The following VPS53 variants were observed in gnomAD, a reference collection of about 807,000 sequenced individuals.
VPS53 encodes the protein vacuolar protein sorting-associated protein 53 homolog.
A neutral mutation model predicts 107.0 loss-of-function variants in VPS53; 70 were observed. The ratio of observed to expected loss-of-function variants is 0.65; its 90% CI spans 0.54 to 0.80. The LOEUF (loss-of-function observed/expected upper bound fraction) is 0.80. Among genes scored for constraint, VPS53 ranks in the 30% least tolerant of loss-of-function variants. The pLI, the probability that VPS53 is intolerant of heterozygous loss-of-function variation, is 0.00. For synonymous variants in VPS53, 409 were observed against 393.3 expected (o/e 1.04, Z -0.47); for missense variants, 917 against 1,049.4 (o/e 0.87, Z 1.74).
chr17:662,834 AAAGGAAGGAAGGAAGGAAGGAAGGAAGG>A (rs796580340), intron 4 of VPS53, among the ~76,000 whole-genome samples: 2 of 121,062 alleles, frequency 1.7e-5, no homozygotes, highest in South Asian at 6.0e-4. Flanking sequence ...AAAGAGAAAG[AAAGGAAGGAAGGAAGGAAGGAAGGAAGG>A]AAGGAAGGAA....
At chr17:633,929 T>C (rs930565945) in intron 7 of VPS53, among the ~76,000 whole-genome samples, 1 of 152,198 alleles carries the variant, frequency 6.6e-6, no homozygotes, top group East Asian at 1.9e-4. Flanking sequence ...AGGCCCCCCC[T>C]GTTCCTACCC....
intron 19 of VPS53, among the ~76,000 whole-genome samples, chr17:530,026 CA>C (rs539003592): frequency 8.0e-4 from 113 of 140,384 alleles, no homozygotes; most frequent in Non-Finnish European, 7.1e-4. Context: ...GGCAATACAG[CA>C]AAAAAAAAAA....
At chr17:564,724 A>AAAAAAC (rs1164914910) in intron 13 of VPS53, among the ~76,000 whole-genome samples, 2 of 151,970 alleles carry the variant, frequency 1.3e-5, no homozygotes, top group Non-Finnish European at 2.9e-5. Context: ...ATCTGGAAAA[A>AAAAAAC]AAAAACAAAA....
At chr17:589,582 G>A (rs1313920419) in intron 12 of VPS53, among the ~76,000 whole-genome samples, 1 of 152,156 alleles carries the variant, frequency 6.6e-6, no homozygotes, top group Non-Finnish European at 1.5e-5. Flanking sequence ...GGAGCTCCTT[G>A]TAACTTTTCT....
intron 4 of VPS53, among the ~76,000 whole-genome samples, chr17:662,505 C>G (rs2543778): frequency 6.6e-6 from 1 of 151,604 alleles, no homozygotes; most frequent in South Asian, 2.1e-4. Flanking sequence ...CTGGCTAACA[C>G]GGTGAAACCC....
At chr17:635,877 C>A (rs1457807408) in intron 7 of VPS53, among the ~76,000 whole-genome samples, 1 of 152,086 alleles carries the variant, frequency 6.6e-6, no homozygotes, top group Admixed American at 6.6e-5. Flanking sequence ...CTTGGCAATG[C>A]GGGACCTTTT....
intron 3 of VPS53, among the ~76,000 whole-genome samples, chr17:698,985 T>C (rs1342186426): frequency 1.3e-5 from 2 of 151,934 alleles, no homozygotes; most frequent in African/African-American, 4.8e-5. Flanking sequence ...CTGACCAACA[T>C]GGTGAAACCC....
chr17:614,285 T>C (rs996530103), intron 11 of VPS53, among the ~76,000 whole-genome samples: 20 of 152,276 alleles, frequency 1.3e-4, no homozygotes, highest in African/African-American at 1.9e-4. Context: ...ATGAGTTATA[T>C]CTCAATTTTA....
At chr17:638,656 A>C (rs1162673474) in intron 7 of VPS53, among the ~76,000 whole-genome samples, 2 of 152,066 alleles carry the variant, frequency 1.3e-5, no homozygotes, top group Admixed American at 1.3e-4. Context: ...AAAGGATTTT[A>C]TTTCTCCTTC....
intron 11 of VPS53, among the ~76,000 whole-genome samples, chr17:604,500 G>A (rs1214846074): frequency 6.6e-6 from 1 of 152,354 alleles, no homozygotes; most frequent in African/African-American, 2.4e-5. Context: ...TCTGAGGCAG[G>A]TGAGCACAGG....
At chr17:655,996 G>A in intron 5 of VPS53, 43 bp from the exon 6 acceptor site, 1 of 1,554,666 alleles carries the variant, frequency 6.4e-7, no homozygotes, top group African/African-American at 1.4e-5. Context: ...AGACGGTCAA[G>A]AAAGATGTAA....
intron 11 of VPS53, among the ~76,000 whole-genome samples, chr17:614,678 C>T (rs1056002441): frequency 3.3e-5 from 5 of 152,106 alleles, no homozygotes; most frequent in East Asian, 1.9e-4. Flanking sequence ...ATGCAGGTGC[C>T]GGAAGACCAG....
intron 7 of VPS53, among the ~76,000 whole-genome samples, chr17:644,786 G>A (rs953448806): frequency 1.8e-4 from 28 of 152,154 alleles, no homozygotes; most frequent in African/African-American, 6.5e-4. Context: ...GTTTCACCAT[G>A]TTGTCCAGGC....
chr17:667,070 T>C (rs997704747), intron 4 of VPS53, among the ~76,000 whole-genome samples: 18 of 152,240 alleles, frequency 1.2e-4, no homozygotes, highest in African/African-American at 4.3e-4. Flanking sequence ...AATGATGGCC[T>C]GTGGGCTGAA....
At chr17:521,029 C>A (rs768861821) in intron 20 of VPS53, among the ~76,000 whole-genome samples, 4 of 152,164 alleles carry the variant, frequency 2.6e-5, no homozygotes, top group African/African-American at 9.7e-5. Context: ...CTTTTAAGAC[C>A]ACATCACCAC....
intron 12 of VPS53, among the ~76,000 whole-genome samples, chr17:593,961 A>T (rs1368556431): frequency 2.6e-5 from 4 of 152,248 alleles, no homozygotes; most frequent in African/African-American, 9.6e-5. Context: ...CATATACACC[A>T]TGGAATACTA....
chr17:710,200 G>A (rs926560243), intron 2 of VPS53, among the ~76,000 whole-genome samples: 3 of 152,074 alleles, frequency 2.0e-5, no homozygotes, highest in Non-Finnish European at 2.9e-5. Flanking sequence ...AGGTGAAAGT[G>A]GCTTTATGAT....
At chr17:584,980 A>C (rs1006411170) in intron 13 of VPS53, among the ~76,000 whole-genome samples, 2 of 152,244 alleles carry the variant, frequency 1.3e-5, no homozygotes, top group Non-Finnish European at 2.9e-5. Context: ...ATGAAAATAG[A>C]CAATCGACAT....
intron 11 of VPS53, among the ~76,000 whole-genome samples, chr17:609,023 T>G (rs1968716712): frequency 6.6e-6 from 1 of 152,158 alleles, no homozygotes; most frequent in African/African-American, 2.4e-5. Context: ...GTGATGTAAT[T>G]CATGTCACAT....
Sources: gnomAD v4.1 joint callset for allele counts (sites outside exome capture counted in the v4.1 genomes callset) on GRCh38, gnomAD v4.1.1 for gene constraint, MANE v1.5 for transcripts, NCBI Gene and HGNC (gene_info 2026-07-23, HGNC 2026-07-21) for gene names.